The following EBF1 variants were observed in gnomAD, a reference collection of about 807,000 sequenced individuals.
EBF1 encodes the protein transcription factor COE1.
In EBF1, 10 loss-of-function variants were observed where a neutral mutation model predicts 68.4. That is an observed-to-expected ratio of 0.15 (90% CI 0.09 to 0.25). The LOEUF (loss-of-function observed/expected upper bound fraction) is 0.25, where lower values mean the gene tolerates loss of function less well. Among genes scored for constraint, EBF1 ranks in the 10% least tolerant of loss-of-function variants. The pLI is 1.00. For synonymous variants in EBF1, 298 were observed against 299.8 expected, an observed-to-expected ratio of 0.99 and a Z score of 0.06; for missense variants, 509 against 794.4, an observed-to-expected ratio of 0.64 and a Z score of 4.32.
At position 159,027,078 on chromosome 5, in the gene EBF1, G is replaced by A. The variant is rs549408745; in HGVS notation, c.554+46318C>T. ...TTTCATGGCTGTCCTGGATCCATTC[G>A]TCCCTCCATTAGAAAACAGGAAGAG... On this transcript the variant is annotated intron_variant, in intron 6 of 15. Coordinates refer to ENST00000313708, the MANE Select transcript of EBF1 (RefSeq NM_024007.5). 1.8e-4 allele frequency among the ~76,000 whole-genome samples: 27 copies of A among 152,184 alleles called. No individual in the cohort carries two copies. In the East Asian group the frequency reaches 4.4e-3, roughly 25 times the overall value.
chr5:158,887,807 G>A (rs948039422), intron 6 of EBF1, among the ~76,000 whole-genome samples: 5 of 152,088 alleles, frequency 3.3e-5, no homozygotes, highest in African/African-American at 1.2e-4. Flanking sequence ...GTGGGAGACT[G>A]GGTTATGAAA....
chr5:158,756,123 A>G (rs1286182184), intron 10 of EBF1, among the ~76,000 whole-genome samples: 1 of 152,064 alleles, frequency 6.6e-6, no homozygotes, highest in African/African-American at 2.4e-5. Context: ...GGTGAGTTCT[A>G]CTGGAGTCTT....
chr5:158,815,274 ATTG>A (rs1783489908), intron 8 of EBF1, among the ~76,000 whole-genome samples: 2 of 152,116 alleles, frequency 1.3e-5, no homozygotes, highest in Non-Finnish European at 2.9e-5. Flanking sequence ...GGGAATGTTT[ATTG>A]TTATTATTCT....
intron 7 of EBF1, among the ~76,000 whole-genome samples, chr5:158,839,621 A>C (rs1789708248): frequency 6.6e-6 from 1 of 152,074 alleles, no homozygotes; most frequent in African/African-American, 2.4e-5. Context: ...AAACTCAAAC[A>C]ATCTGCCTAC....
intron 15 of EBF1, among the ~76,000 whole-genome samples, chr5:158,700,278 A>G (rs1756446408): frequency 6.6e-6 from 1 of 152,266 alleles, no homozygotes; most frequent in African/African-American, 2.4e-5. Flanking sequence ...AACTAAGAAA[A>G]TTAAAACAGG....
chr5:158,996,266 T>G (rs2127626413), intron 6 of EBF1, among the ~76,000 whole-genome samples: 1 of 152,350 alleles, frequency 6.6e-6, no homozygotes, highest in Middle Eastern at 3.4e-3. Flanking sequence ...TCAACAAACA[T>G]GTCCGGGACT....
At chr5:158,878,323 A>T (rs1798182188) in intron 6 of EBF1, among the ~76,000 whole-genome samples, 1 of 152,030 alleles carries the variant, frequency 6.6e-6, no homozygotes, top group Non-Finnish European at 1.5e-5. Context: ...GATTGGAGGG[A>T]CTTGTGACCA....
intron 6 of EBF1, among the ~76,000 whole-genome samples, chr5:158,991,232 T>G (rs916848375): frequency 6.6e-6 from 1 of 152,208 alleles, no homozygotes; most frequent in African/African-American, 2.4e-5. Flanking sequence ...TAGAAAGCAC[T>G]TGATAAATGG....
intron 6 of EBF1, among the ~76,000 whole-genome samples, chr5:158,864,626 TAA>T (rs942738465): frequency 2.0e-5 from 3 of 151,916 alleles, no homozygotes; most frequent in African/African-American, 7.3e-5. Context: ...ACTCACAAGT[TAA>T]AAAAAGATAA....
chr5:159,025,920 C>A (rs1465196392), intron 6 of EBF1, among the ~76,000 whole-genome samples: 1 of 152,158 alleles, frequency 6.6e-6, no homozygotes, highest in Non-Finnish European at 1.5e-5. Flanking sequence ...ATTTTATCAC[C>A]TTTCAAGTTA....
chr5:158,913,116 T>C (rs1486411410), intron 6 of EBF1, among the ~76,000 whole-genome samples: 1 of 152,218 alleles, frequency 6.6e-6, no homozygotes, highest in East Asian at 1.9e-4. Flanking sequence ...TAAGCAATTA[T>C]CCTGTACCGC....
At chr5:158,734,173 A>G (rs1467240205) in intron 10 of EBF1, among the ~76,000 whole-genome samples, 1 of 152,160 alleles carries the variant, frequency 6.6e-6, no homozygotes, top group Non-Finnish European at 1.5e-5. Flanking sequence ...CTGTGTATAA[A>G]CTGCCAAATA....
chr5:158,998,864 A>T (rs1407141846), intron 6 of EBF1, among the ~76,000 whole-genome samples: 1 of 152,074 alleles, frequency 6.6e-6, no homozygotes, highest in East Asian at 1.9e-4. Flanking sequence ...GATCAAACAG[A>T]TCTTTGATTC....
At chr5:158,702,161 T>C (rs377534498) in intron 15 of EBF1, among the ~76,000 whole-genome samples, 2 of 152,212 alleles carry the variant, frequency 1.3e-5, no homozygotes, top group African/African-American at 2.4e-5. Context: ...TGAGCCTAGA[T>C]ACCTCCAAAG....
intron 6 of EBF1, among the ~76,000 whole-genome samples, chr5:158,981,843 G>T (rs1757959555): frequency 6.6e-6 from 1 of 152,018 alleles, no homozygotes; most frequent in Non-Finnish European, 1.5e-5. Flanking sequence ...AAACAGTGCT[G>T]ATAGAATCTT....
intron 6 of EBF1, among the ~76,000 whole-genome samples, chr5:158,931,178 T>C (rs1316392466): frequency 6.6e-6 from 1 of 152,244 alleles, no homozygotes; most frequent in Non-Finnish European, 1.5e-5. Context: ...TTACTTTTTT[T>C]AAATGCCAAA....
chr5:158,696,442 T>G lies in EBF1; in HGVS notation c.*2669A>C, dbSNP rs1404305141. On this transcript the variant is annotated 3_prime_UTR_variant, in exon 16 of 16. Coordinates refer to ENST00000313708, the MANE Select transcript of EBF1 (RefSeq NM_024007.5). ...GCACATGGCTGACAGATGGGTAGTG[T>G]CTGTTGTCAAGGTCTAAGCCGGACA... 5.0e-5 allele frequency: 11 copies of G among 221,630 alleles called. No homozygotes were observed. The highest frequency in any genetic ancestry group is 6.3e-5 in the Non-Finnish European group (7 of 110,806). The allele number at this position is 221,630 out of a possible 1,614,324, so 13.7% of individuals were successfully genotyped here. A position where few individuals can be genotyped will look rare whatever the true frequency, so the allele number is the denominator to read the frequency against.
intron 9 of EBF1, among the ~76,000 whole-genome samples, chr5:158,790,900 A>G (rs80306681): frequency 0.011 from 1,684 of 152,338 alleles, 36 homozygotes; most frequent in African/African-American, 0.039. Context: ...GCAAATCAAC[A>G]TCACATCTGT....
intron 6 of EBF1, among the ~76,000 whole-genome samples, chr5:159,035,225 G>A (rs1463158848): frequency 1.3e-5 from 2 of 151,954 alleles, no homozygotes; most frequent in Non-Finnish European, 2.9e-5. Flanking sequence ...AGCCATCAGT[G>A]ACTGAAAGCT....
Sources: gnomAD v4.1 joint callset for allele counts (sites outside exome capture counted in the v4.1 genomes callset) on GRCh38, gnomAD v4.1.1 for gene constraint, MANE v1.5 for transcripts, NCBI Gene and HGNC (gene_info 2026-07-23, HGNC 2026-07-21) for gene names.